NIPAL3: variants seen among roughly 807,000 people sequenced by gnomAD.
NIPAL3 encodes the protein NIPA like domain containing 3, also known as NIPA-like protein 3.
Under a neutral mutation model 47.2 loss-of-function variants are expected in NIPAL3, and 41 were observed. The observed-to-expected ratio is 0.87, with a 90% CI of 0.68 to 1.13. The LOEUF (loss-of-function observed/expected upper bound fraction) is 1.13. Among genes scored for constraint, NIPAL3 ranks in the 50% most tolerant of loss-of-function variants. The probability of loss-of-function intolerance (pLI) is 0.00; values close to 1 mark genes in which losing one functional copy is unlikely to be tolerated. For synonymous variants in NIPAL3, 194 were observed against 209.6 expected (o/e 0.93, Z 0.64); for missense variants, 449 against 530.1 (o/e 0.85, Z 1.50).
chr1:24,438,036 A>G (rs1346798861), intron 2 of NIPAL3, among the ~76,000 whole-genome samples: 5 of 152,316 alleles, frequency 3.3e-5, no homozygotes, highest in Middle Eastern at 3.4e-3. Flanking sequence ...AGCCTCTAAC[A>G]TGCTCTGGGG....
chr1:24,463,416 T>C (rs1646564300), intron 10 of NIPAL3, among the ~76,000 whole-genome samples: 1 of 152,228 alleles, frequency 6.6e-6, no homozygotes, highest in African/African-American at 2.4e-5. Context: ...GGACGTATTT[T>C]CTGTCTTGAA....
chr1:24,423,330 TGAA>T (rs1332510909), intron 2 of NIPAL3, among the ~76,000 whole-genome samples: 7 of 152,344 alleles, frequency 4.6e-5, no homozygotes, highest in Admixed American at 2.0e-4. Flanking sequence ...CTAATGCCAT[TGAA>T]GAAGATTTTT....
Position 24,416,264 on chromosome 1 carries a change from C to G in NIPAL3, c.-258+360C>G. ...TGAGGGGAGGCGTTCTTGGTCTAAGCCCGCTTCTGGAACAGAGGTGCTGTC... is the reference window on the plus strand; with the variant it reads ...TGAGGGGAGGCGTTCTTGGTCTAAGGCCGCTTCTGGAACAGAGGTGCTGTC... On this transcript the variant is annotated intron_variant, in intron 1 of 11. Transcript: ENST00000374399. The surrounding 1 kb of genome is among the most constrained non-coding windows in gnomAD (Gnocchi z 4.8). 1 of 985,444 alleles carries G rather than the reference C, an allele frequency of 1.0e-6. No individual in the cohort carries two copies. Among genetic ancestry groups the G allele is most frequent in the Non-Finnish European group, 1.2e-6 (1 of 829,972 alleles). 61.0% of individuals were successfully genotyped at this position (985,444 alleles called of 1,614,324 possible). A position where few individuals can be genotyped will look rare whatever the true frequency, so the allele number is the denominator to read the frequency against.
At chr1:24,441,925 C>G in intron 3 of NIPAL3, 130 bp from the exon 4 acceptor site, 1 of 836,864 alleles carries the variant, frequency 1.2e-6, no homozygotes, top group South Asian at 1.7e-5. Context: ...TTCTCTGAGT[C>G]AGGACTCCAC....
chr1:24,442,183 G>A lies in NIPAL3; in HGVS notation c.291G>A (p.Ala97=), dbSNP rs752148992. 101 of 1,613,916 alleles carry A rather than the reference G, an allele frequency of 6.3e-5. No individual in the cohort carries two copies. The highest frequency in any genetic ancestry group is 8.3e-5 in the Non-Finnish European group (98 of 1,180,024). ...GTGTGTTCGCCTCCTACGCCTTCGCGCCGCTGTCACTCATCGTGCCCCTCA... is the reference window on the plus strand; with the variant it reads ...GTGTGTTCGCCTCCTACGCCTTCGCACCGCTGTCACTCATCGTGCCCCTCA... ...ELGVFASYAF[A]PLSLIVPLSA... is the part of the protein sequence containing the mutation. The change falls in exon 4 of 12, where the codon GCG becomes GCA. Residue 97 remains alanine, a synonymous_variant. Transcript: ENST00000374399.
chr1:24,442,479 G>A (rs1285128111), intron 4 of NIPAL3, among the ~76,000 whole-genome samples: 1 of 152,218 alleles, frequency 6.6e-6, no homozygotes, highest in Non-Finnish European at 1.5e-5. Flanking sequence ...GAGGCACGGG[G>A]TAATGAAATT....
Position 24,463,060 on chromosome 1 carries a change from G to A in NIPAL3, c.927-966G>A, listed in dbSNP as rs183779144. Reference sequence around the variant, plus strand: ...AAAAATTAGCCTGGCATGCTGGCACGTGCCTGTAATCCCAGGTACTGGGGG... The same window carrying A: ...AAAAATTAGCCTGGCATGCTGGCACATGCCTGTAATCCCAGGTACTGGGGG... On this transcript the variant is annotated intron_variant, in intron 10 of 11. Transcript: ENST00000374399. Among the ~76,000 whole-genome samples, 137 of 152,072 alleles carry A rather than the reference G, an allele frequency of 9.0e-4. 1 individual carries two copies. The highest frequency in any genetic ancestry group is 2.7e-3 in the African/African-American group (114 of 41,506).
At chr1:24,446,195 C>G (rs778961309) in intron 5 of NIPAL3, among the ~76,000 whole-genome samples, 1 of 151,872 alleles carries the variant, frequency 6.6e-6, no homozygotes, top group African/African-American at 2.4e-5. Flanking sequence ...TGAATGCTTT[C>G]GGGGACTGGG....
In NIPAL3 at chr1:24,416,021, C is replaced by G; in HGVS notation, c.-258+117C>G. ...TACATACCCTTCCTTCTTACTGTCACCAGCCTCGCCAACCTGGGTCCCGTT... is the reference window on the plus strand; with the variant it reads ...TACATACCCTTCCTTCTTACTGTCAGCAGCCTCGCCAACCTGGGTCCCGTT... On this transcript the variant is annotated intron_variant, in intron 1 of 11. Transcript: ENST00000374399. This position sits in a 1 kb window ranked among gnomAD's most constrained non-coding sequence, Gnocchi z 4.8. 3 of 985,562 alleles carry G rather than the reference C, an allele frequency of 3.0e-6. No homozygotes were observed. Among genetic ancestry groups the G allele is most frequent in the Non-Finnish European group, 3.6e-6 (3 of 830,022 alleles). The allele number at this position is 985,562 out of a possible 1,614,324, so 61.1% of individuals were successfully genotyped here. A position where few individuals can be genotyped will look rare whatever the true frequency, so the allele number is the denominator to read the frequency against.
intron 2 of NIPAL3, among the ~76,000 whole-genome samples, chr1:24,430,128 T>G (rs1260121790): frequency 6.6e-6 from 1 of 152,234 alleles, no homozygotes; most frequent in African/African-American, 2.4e-5. Context: ...TTAGCATCTA[T>G]TCTACTGCAA....
chr1:24,430,249 T>C (rs117414053), intron 2 of NIPAL3, among the ~76,000 whole-genome samples: 5 of 142,052 alleles, frequency 3.5e-5, no homozygotes, highest in African/African-American at 1.1e-4. Flanking sequence ...TTTTTTTTTT[T>C]CCTTTTTTTT....
Position 24,469,020 on chromosome 1 carries a change from C to T in NIPAL3, c.1056C>T (p.Val352=). The change falls in exon 12 of 12, where the codon GTC becomes GTT. Residue 352 remains valine (V), a synonymous_variant. Coordinates refer to ENST00000374399, the MANE Select transcript of NIPAL3 (RefSeq NM_020448.5). The part of the protein sequence containing the change: ...MQNMHDKGMT[V]QPELKASFSY... ...ACATGCACGATAAAGGGATGACTGT[C>T]CAGCCTGAACTTAAAGCTTCTTTTT... The T allele has an allele frequency of 6.2e-7, 1 of 1,614,140 alleles. No homozygotes were observed.
chr1:24,440,209 A>G lies in NIPAL3; in HGVS notation c.131A>G (p.His44Arg). The G allele has an allele frequency of 6.3e-7, 1 of 1,597,594 alleles. No homozygotes were observed. The highest frequency in any genetic ancestry group is 8.5e-7 in the Non-Finnish European group (1 of 1,172,400). ...GGCGCCCTCTTGGCGATCTTCGGGCACCTCGTGGTCAGCATTGCACTTAAC... is the reference window on the plus strand; with the variant it reads ...GGCGCCCTCTTGGCGATCTTCGGGCGCCTCGTGGTCAGCATTGCACTTAAC... ...LIGALLAIFG[H>R]LVVSIALNLQ... is the part of the protein sequence containing the mutation. Residue 44 changes from histidine (H) to arginine (R), a missense_variant, in exon 3 of 12, where the codon CAC (histidine) becomes CGC (arginine). By Grantham distance (29) the His-to-Arg change is conservative. Transcript: ENST00000374399.
intron 2 of NIPAL3, among the ~76,000 whole-genome samples, chr1:24,422,881 A>G (rs1437674841): frequency 6.6e-6 from 1 of 152,236 alleles, no homozygotes; most frequent in Non-Finnish European, 1.5e-5. Flanking sequence ...TAGCCTTTTT[A>G]TTGACATATG....
chr1:24,424,005 AT>A (rs1401004022), intron 2 of NIPAL3, among the ~76,000 whole-genome samples: 1 of 152,234 alleles, frequency 6.6e-6, no homozygotes, highest in Non-Finnish European at 1.5e-5. Context: ...AAATGGACAA[AT>A]ATAAGAATCT....
chr1:24,425,583 C>A (rs1223841977), intron 2 of NIPAL3, among the ~76,000 whole-genome samples: 2 of 152,136 alleles, frequency 1.3e-5, no homozygotes, highest in African/African-American at 4.8e-5. Flanking sequence ...GAATCAGAGA[C>A]TTGGCTCCAA....
rs1377153472 is a variant in NIPAL3 at position 24,449,668 on chromosome 1, G to A, written c.540+42G>A. 2.5e-6 allele frequency: 4 copies of A among 1,591,094 alleles called. No homozygotes were observed. In the South Asian group the frequency reaches 4.5e-5, roughly 18 times the overall value. ...GTCGTTCCCCCTGAGATGGCAGGAG[G>A]GAGATCAAGTCCTAGAAACCAGAAA... On this transcript the variant is annotated intron_variant, in intron 6 of 11. Transcript: ENST00000374399. The surrounding 1 kb of genome is among the most constrained non-coding windows in gnomAD (Gnocchi z 4.5).
At chr1:24,420,624 G>A (rs1644287002) in intron 2 of NIPAL3, among the ~76,000 whole-genome samples, 1 of 151,828 alleles carries the variant, frequency 6.6e-6, no homozygotes, top group Admixed American at 6.6e-5. Context: ...TATAAATTTG[G>A]GGTCACATTG....
At position 24,458,903 on chromosome 1, in the gene NIPAL3, CT is replaced by C. The variant is rs1557530881; in HGVS notation, c.790del (p.Ser264HisfsTer8). On this transcript the variant is annotated frameshift_variant, in exon 9 of 12. Coordinates refer to ENST00000374399, the MANE Select transcript of NIPAL3 (RefSeq NM_020448.5). LOFTEE classifies it high-confidence loss of function. The part of the protein sequence containing the change: ...VYQAAFLSQA[S>X]QMYDSSLIAS... ...TGTGTTGAAGGTTTTTGAGTCAAGC[CT>C]CACAGATGTACGACTCCTCTTTGAT... 2.5e-6 allele frequency: 4 copies of C among 1,613,664 alleles called. No individual in the cohort carries two copies. Among genetic ancestry groups the C allele is most frequent in the Non-Finnish European group, 3.4e-6 (4 of 1,179,790 alleles).
Sources: allele counts gnomAD v4.1 joint callset (sites outside exome capture counted in the v4.1 genomes callset), GRCh38; gene constraint gnomAD v4.1.1; non-coding constraint Gnocchi (gnomAD v3.1); transcripts MANE v1.5; gene names NCBI Gene and HGNC (gene_info 2026-07-23, HGNC 2026-07-21).